TDRP: variants seen among roughly 807,000 people sequenced by gnomAD.
The protein encoded by TDRP is testis development-related protein.
A neutral mutation model predicts 10.5 loss-of-function variants in TDRP; 12 were observed. The observed-to-expected ratio is 1.15, with a 90% confidence interval of 0.73 to 1.86. TDRP has a LOEUF of 1.86. TDRP is among the 40% of genes most tolerant of loss of function. The probability of loss-of-function intolerance (pLI) is 0.00; values close to 1 mark genes in which losing one functional copy is unlikely to be tolerated. For missense variants in TDRP, 353 were observed against 229.2 expected (o/e 1.54, Z -3.49); for synonymous variants, 139 against 95.4 (o/e 1.46, Z -2.67).
chr8:517,871 C>T (rs1293708744), intron 1 of TDRP, among the ~76,000 whole-genome samples: 1 of 152,324 alleles, frequency 6.6e-6, no homozygotes, highest in Non-Finnish European at 1.5e-5. Context: ...AGGCTACACA[C>T]TGTGTAATTA....
At chr8:515,579 G>C (rs961104319) in intron 1 of TDRP, among the ~76,000 whole-genome samples, 2 of 152,156 alleles carry the variant, frequency 1.3e-5, no homozygotes, top group African/African-American at 2.4e-5. Flanking sequence ...CACATTTTTA[G>C]ATTAGAGATG....
chr8:524,502 A>G (rs1801986937), intron 1 of TDRP, among the ~76,000 whole-genome samples: 1 of 152,212 alleles, frequency 6.6e-6, no homozygotes, highest in Non-Finnish European at 1.5e-5. Context: ...ATTCAAAATA[A>G]CTACTTTGAG....
At chr8:538,415 T>G (rs946644845) in intron 1 of TDRP, among the ~76,000 whole-genome samples, 9 of 152,152 alleles carry the variant, frequency 5.9e-5, no homozygotes, top group African/African-American at 2.2e-4. Context: ...TCCCGGTCCC[T>G]CCTCCTTTGT....
intron 1 of TDRP, among the ~76,000 whole-genome samples, chr8:524,031 C>T (rs1030998668): frequency 1.3e-5 from 2 of 152,208 alleles, no homozygotes; most frequent in African/African-American, 2.4e-5. Context: ...TCTGAATCAG[C>T]ACAGTCCCAG....
intron 1 of TDRP, among the ~76,000 whole-genome samples, chr8:526,914 T>C (rs4735802): frequency 0.57 from 85,970 of 151,902 alleles, 25,362 homozygotes; most frequent in Admixed American, 0.65. Context: ...AGAAATCAAA[T>C]AATCCTTGTT....
At chr8:519,815 A>T (rs1448372410) in intron 1 of TDRP, among the ~76,000 whole-genome samples, 1 of 152,162 alleles carries the variant, frequency 6.6e-6, no homozygotes, top group African/African-American at 2.4e-5. Flanking sequence ...TATGTGACCC[A>T]CCCTGATGGC....
chr8:523,499 G>C (rs1005793224), intron 1 of TDRP, among the ~76,000 whole-genome samples: 1 of 152,122 alleles, frequency 6.6e-6, no homozygotes, highest in South Asian at 2.1e-4. Flanking sequence ...AAGCTCCTGG[G>C]GTCCCTGATT....
At chr8:539,067 G>T (rs780110248) in intron 1 of TDRP, among the ~76,000 whole-genome samples, 3 of 152,128 alleles carry the variant, frequency 2.0e-5, no homozygotes, top group African/African-American at 2.4e-5. Context: ...CATCAATAGG[G>T]GACTCGTTTT....
intron 1 of TDRP, among the ~76,000 whole-genome samples, chr8:500,599 C>G (rs1035730804): frequency 2.0e-4 from 30 of 152,338 alleles, no homozygotes; most frequent in Non-Finnish European, 2.4e-4. Flanking sequence ...ACAAAATGTC[C>G]AAGATACAGT....
chr8:506,339 C>G (rs892618041), intron 1 of TDRP, among the ~76,000 whole-genome samples: 4 of 152,162 alleles, frequency 2.6e-5, no homozygotes, highest in Admixed American at 2.6e-4. Context: ...GGAGAATCCA[C>G]TCAGATCAGC....
At chr8:519,706 A>T (rs905503061) in intron 1 of TDRP, among the ~76,000 whole-genome samples, 1 of 152,262 alleles carries the variant, frequency 6.6e-6, no homozygotes, top group Middle Eastern at 3.4e-3. Context: ...ACTAAAAGAG[A>T]GTGAAAAAAT....
intron 1 of TDRP, among the ~76,000 whole-genome samples, chr8:535,220 G>T (rs1384493031): frequency 1.3e-5 from 2 of 152,222 alleles, no homozygotes; most frequent in South Asian, 2.1e-4. Flanking sequence ...TGGTCTGCGG[G>T]CTGTCCACAC....
At chr8:510,318 T>C (rs1489001877) in intron 1 of TDRP, among the ~76,000 whole-genome samples, 1 of 152,122 alleles carries the variant, frequency 6.6e-6, no homozygotes, top group Non-Finnish European at 1.5e-5. Context: ...CCCGAGGCTA[T>C]CTAGGGGCCC....
Position 492,125 on chromosome 8 carries a change from A to C in TDRP, c.*274T>G, listed in dbSNP as rs935115993. 19 of 1,235,182 alleles carry C rather than the reference A, an allele frequency of 1.5e-5. No homozygotes were observed. Among genetic ancestry groups the C allele is most frequent in the Non-Finnish European group, 1.0e-6 (1 of 989,838 alleles). 76.5% of individuals were successfully genotyped at this position (1,235,182 alleles called of 1,614,324 possible). On this transcript the variant is annotated 3_prime_UTR_variant, in exon 3 of 3. Transcript: ENST00000324079. ...AATCATTACTGCTGTATTATGGGAG[A>C]GCATCATAAATTCACATCTCCAGTT... is the stretch of plus-strand genomic sequence containing the variant.
chr8:502,050 T>A (rs935477327), intron 1 of TDRP, among the ~76,000 whole-genome samples: 1 of 152,330 alleles, frequency 6.6e-6, no homozygotes, highest in African/African-American at 2.4e-5. Context: ...CCAGGCCTCT[T>A]CTTGGCATCG....
intron 1 of TDRP, among the ~76,000 whole-genome samples, chr8:527,360 AATGTAAT>A (rs1235761905): frequency 2.6e-5 from 4 of 152,154 alleles, no homozygotes; most frequent in African/African-American, 9.7e-5. Context: ...CTACAGATTC[AATGTAAT>A]CCCATTCATA....
At chr8:536,576 G>A (rs1055767800) in intron 1 of TDRP, among the ~76,000 whole-genome samples, 1 of 152,062 alleles carries the variant, frequency 6.6e-6, no homozygotes, top group Non-Finnish European at 1.5e-5. Context: ...TTAATATCTT[G>A]TGCTGGTAAA....
intron 1 of TDRP, among the ~76,000 whole-genome samples, chr8:512,134 A>C (rs1584865190): frequency 6.6e-6 from 1 of 152,088 alleles, no homozygotes; most frequent in Non-Finnish European, 1.5e-5. Flanking sequence ...AAAAAAAAAA[A>C]CAAAATTGGG....
At chr8:518,977 G>C (rs886296547) in intron 1 of TDRP, among the ~76,000 whole-genome samples, 1 of 152,156 alleles carries the variant, frequency 6.6e-6, no homozygotes, top group African/African-American at 2.4e-5. Context: ...GGCTGGTAGA[G>C]CTTCAGGATG....
Sources: gnomAD v4.1 joint callset for allele counts (sites outside exome capture counted in the v4.1 genomes callset) on GRCh38, gnomAD v4.1.1 for gene constraint, MANE v1.5 for transcripts, NCBI Gene and HGNC (gene_info 2026-07-23, HGNC 2026-07-21) for gene names.